The following LARGE1 variants were observed in gnomAD, a reference collection of about 807,000 sequenced individuals.
LARGE1 encodes xylosyl- and glucuronyltransferase LARGE1.
LARGE1 carries 43 observed loss-of-function variants against 87.6 expected under a neutral mutation model. The observed-to-expected ratio is 0.49, with a 90% CI of 0.38 to 0.63. LARGE1 has a LOEUF of 0.63. LARGE1 is among the 30% of genes least tolerant of loss of function. LARGE1 has a pLI of 0.00. For missense variants in LARGE1, 802 were observed against 1,000.2 expected (o/e 0.80, Z 2.67); for synonymous variants, 434 against 394.6 (o/e 1.10, Z -1.18).
chr22:33,745,636 A>G (rs1461570604), intron 2 of LARGE1, among the ~76,000 whole-genome samples: 1 of 152,192 alleles, frequency 6.6e-6, no homozygotes, highest in African/African-American at 2.4e-5. Context: ...AGGAAAGGCG[A>G]GGGCCCGGTT....
rs570901678 is a variant in LARGE1, at chr22:33,200,915, T to TA, written c.1731-34084dup. Among the ~76,000 whole-genome samples the TA allele has an allele frequency of 3.9e-4, 60 of 152,308 alleles. No individual in the cohort carries two copies. In the Middle Eastern group the frequency reaches 0.01, roughly 26 times the overall value. On this transcript the variant is annotated intron_variant, in intron 11 of 11. Transcript: ENST00000608642. The stretch of plus-strand genomic sequence containing the variant: ...GATCATCACAGCTTTGTGAATATCC[T>TA]AAAAAATCACTGAATGGTATACATC...
chr22:33,130,270 C>A, the LARGE1 span, among the ~76,000 whole-genome samples: 1 of 142,158 alleles, frequency 7.0e-6, no homozygotes, highest in African/African-American at 2.7e-5. Flanking sequence ...GCCGAGACAG[C>A]GCCACTGCAC....
intron 9 of LARGE1, among the ~76,000 whole-genome samples, chr22:33,364,479 C>T (rs1267890856): frequency 6.6e-6 from 1 of 152,160 alleles, no homozygotes; most frequent in Admixed American, 6.5e-5. Context: ...ACAGCCTCTC[C>T]TTACTCGGGG....
intron 6 of LARGE1, among the ~76,000 whole-genome samples, chr22:33,475,424 A>ATATTTATTTATTTATT (rs71320980): frequency 8.9e-5 from 12 of 135,258 alleles, no homozygotes; most frequent in South Asian, 5.1e-4. Flanking sequence ...TCAGTGAGTC[A>ATATTTATTTATTTATT]TATTTATTTA....
chr22:33,346,301 CTTTT>C (rs935097697), intron 9 of LARGE1, among the ~76,000 whole-genome samples: 2 of 144,556 alleles, frequency 1.4e-5, no homozygotes, highest in Middle Eastern at 3.6e-3. Flanking sequence ...CCTCCTTCTT[CTTTT>C]TCTTTTTTTT....
At chr22:33,815,198 C>T (rs913057355) in intron 1 of LARGE1, among the ~76,000 whole-genome samples, 7 of 152,132 alleles carry the variant, frequency 4.6e-5, no homozygotes, top group Admixed American at 2.0e-4. Flanking sequence ...CAGCCTAGCA[C>T]GTTCAGTTTC....
chr22:33,775,242 A>G (rs2085196379), intron 1 of LARGE1, among the ~76,000 whole-genome samples: 1 of 152,212 alleles, frequency 6.6e-6, no homozygotes, highest in Admixed American at 6.5e-5. Flanking sequence ...CAAGATTTCC[A>G]GCTTCAAATT....
intron 3 of LARGE1, among the ~76,000 whole-genome samples, chr22:33,649,165 C>T (rs2080714589): frequency 1.3e-5 from 2 of 152,188 alleles, no homozygotes; most frequent in African/African-American, 2.4e-5. Context: ...GCTTGAGAAA[C>T]CTGAGAAATG....
At chr22:33,566,406 T>C (rs1395246983) in intron 5 of LARGE1, among the ~76,000 whole-genome samples, 1 of 152,210 alleles carries the variant, frequency 6.6e-6, no homozygotes, top group African/African-American at 2.4e-5. Context: ...ATGAAACACA[T>C]TCACCCAAAT....
intron 2 of LARGE1, among the ~76,000 whole-genome samples, chr22:33,723,235 G>A (rs998428729): frequency 5.9e-5 from 9 of 152,146 alleles, no homozygotes; most frequent in Non-Finnish European, 1.0e-4. Context: ...TGAAGCTCTC[G>A]TTAAAAAGAA....
intron 1 of LARGE1, among the ~76,000 whole-genome samples, chr22:33,856,260 T>C (rs915499459): frequency 6.6e-6 from 1 of 152,106 alleles, no homozygotes; most frequent in Non-Finnish European, 1.5e-5. Flanking sequence ...GGAAATGTTC[T>C]CCACCCAGAC....
Position 33,702,727 on chromosome 22 carries a change from T to C in LARGE1, c.107-52059A>G, listed in dbSNP as rs1214057326. Reference sequence around the variant, plus strand: ...CTGTTATCCTGGGCATCCATCAAATTACAGCAGCTCCTGTCCCCAAGGACT... The same window carrying C: ...CTGTTATCCTGGGCATCCATCAAATCACAGCAGCTCCTGTCCCCAAGGACT... On this transcript the variant is annotated intron_variant, in intron 2 of 14. Transcript: ENST00000397394. Among the ~76,000 whole-genome samples the C allele has an allele frequency of 2.0e-5, 3 of 152,116 alleles. No individual in the cohort carries two copies. The East Asian group carries it at 5.8e-4, about 29-fold the overall frequency.
At chr22:33,914,174 C>T (rs1180751954) in intron 1 of LARGE1, among the ~76,000 whole-genome samples, 1 of 152,202 alleles carries the variant, frequency 6.6e-6, no homozygotes, top group African/African-American at 2.4e-5. Context: ...AGGAGATCAG[C>T]CATAGTGAGG....
chr22:33,827,596 C>T (rs1601713571), intron 1 of LARGE1, among the ~76,000 whole-genome samples: 1 of 152,216 alleles, frequency 6.6e-6, no homozygotes, highest in African/African-American at 2.4e-5. Flanking sequence ...TACGAACTCA[C>T]ATCTGTCCCA....
At chr22:33,659,193 C>T (rs77918060) in intron 2 of LARGE1, among the ~76,000 whole-genome samples, 2,507 of 152,286 alleles carry the variant, frequency 0.016, 50 homozygotes, top group African/African-American at 0.049. Flanking sequence ...CACCTTATTC[C>T]AATATATGTT....
intron 11 of LARGE1, among the ~76,000 whole-genome samples, chr22:33,167,827 C>A (rs1922352976): frequency 6.6e-6 from 1 of 152,198 alleles, no homozygotes; most frequent in Non-Finnish European, 1.5e-5. Context: ...CTTACTCTGG[C>A]TGGCATTTAC....
At chr22:33,751,469 A>G (rs962157457) in intron 2 of LARGE1, among the ~76,000 whole-genome samples, 9 of 149,892 alleles carry the variant, frequency 6.0e-5, no homozygotes, top group African/African-American at 2.2e-4. Context: ...TGGGAGACAG[A>G]TTGAGACTCC....
chr22:33,835,555 C>T lies in LARGE1; in HGVS notation c.-82-73997G>A, dbSNP rs1309819540. Among the ~76,000 whole-genome samples, 3 of 152,208 alleles carry T rather than the reference C, an allele frequency of 2.0e-5. No individual in the cohort carries two copies. In the East Asian group the frequency reaches 5.8e-4, roughly 29 times the overall value. The stretch of plus-strand genomic sequence containing the variant: ...CCTAACAGAGACAGGTGAGAAATGA[C>T]ATTTGAGAGCCTGGCAATATCCTCA... On this transcript the variant is annotated intron_variant, in intron 1 of 14. Transcript: ENST00000397394.
At chr22:33,104,889 C>CTTTCTTTCTTTCTTTCTTTCTTTCTT in the LARGE1 span, among the ~76,000 whole-genome samples, 4 of 89,148 alleles carry the variant, frequency 4.5e-5, no homozygotes, top group Non-Finnish European at 1.0e-4. Context: ...GACTTTCTCT[C>CTTTCTTTCTTTCTTTCTTTCTTTCTT]TCTTTCTTTC....
Sources: allele counts gnomAD v4.1 joint callset (sites outside exome capture counted in the v4.1 genomes callset), GRCh38; gene constraint gnomAD v4.1.1; transcripts MANE v1.5; gene names NCBI Gene and HGNC (gene_info 2026-07-23, HGNC 2026-07-21).